The following KIFC3 variants were observed in gnomAD, a reference collection of about 807,000 sequenced individuals.
The protein encoded by KIFC3 is kinesin family member C3, also known as kinesin-like protein KIFC3.
KIFC3 carries 60 observed loss-of-function variants against 101.8 expected under a neutral mutation model. That is an observed-to-expected ratio of 0.59 (90% CI 0.48 to 0.73). The LOEUF is 0.73. Ranked by LOEUF, KIFC3 falls within the 30% of genes least tolerant of loss-of-function variation. The pLI is 0.00. For missense variants in KIFC3, 966 were observed against 1,137.1 expected (o/e 0.85, Z 2.16); for synonymous variants, 476 against 482.7 (o/e 0.99, Z 0.18).
chr16:57,812,527 C>A (rs1555627968), intron 1 of KIFC3, among the ~76,000 whole-genome samples: 1 of 152,110 alleles, frequency 6.6e-6, no homozygotes, highest in African/African-American at 2.4e-5. Flanking sequence ...CAGCTGCTGA[C>A]CGAGTGTGAT....
intron 2 of KIFC3, chr16:57,797,752 G>A (rs1270711829): frequency 3.2e-6 from 4 of 1,260,398 alleles, no homozygotes; most frequent in Non-Finnish European, 4.0e-6. Context: ...ACACGCTCTT[G>A]GCCAAGGACG....
chr16:57,780,237 G>A (rs115456089), intron 3 of KIFC3, among the ~76,000 whole-genome samples: 2,317 of 152,254 alleles, frequency 0.015, 58 homozygotes, highest in African/African-American at 0.051. Flanking sequence ...TCAGCCGGGC[G>A]CGGTGGCTCA....
At chr16:57,763,713 T>C (rs1463302769) in intron 12 of KIFC3, among the ~76,000 whole-genome samples, 1 of 152,118 alleles carries the variant, frequency 6.6e-6, no homozygotes, top group East Asian at 1.9e-4. Context: ...AGCCTTCATA[T>C]GCCAGTCTTG....
intron 13 of KIFC3, 97 bp from the exon 14 acceptor site, chr16:57,761,633 G>A (rs541075454): frequency 1.4e-6 from 2 of 1,438,232 alleles, no homozygotes; most frequent in Admixed American, 3.7e-5. Flanking sequence ...CCCCAACCCA[G>A]GAAGCCTTCT....
At chr16:57,838,630 C>T (rs966897562) in intron 1 of KIFC3, among the ~76,000 whole-genome samples, 15 of 152,308 alleles carry the variant, frequency 9.8e-5, no homozygotes, top group East Asian at 3.9e-4. Flanking sequence ...GGGACTTCCC[C>T]GGGAGGAAAG....
chr16:57,802,519 A>T, upstream of KIFC3: 1 of 984,612 alleles, frequency 1.0e-6, no homozygotes, highest in Non-Finnish European at 1.2e-6. This position sits in a 1 kb window ranked among gnomAD's most constrained non-coding sequence, Gnocchi z 5.0. Flanking sequence ...GGAAATGATT[A>T]ACTCGGGCCG....
chr16:57,770,779 G>C (rs1433370409), intron 6 of KIFC3, 79 bp from the exon 7 acceptor site: 4 of 1,231,500 alleles, frequency 3.2e-6, no homozygotes, highest in Non-Finnish European at 4.3e-6. Context: ...CAGCAGGCCA[G>C]GGGAAGGAAC....
At position 57,792,335 on chromosome 16, in the gene KIFC3, C is replaced by CG. The variant is rs569980160; in HGVS notation, c.315+2663dup. On this transcript the variant is annotated intron_variant, in intron 3 of 19. Transcript: ENST00000445690. The stretch of plus-strand genomic sequence containing the variant: ...TCGTGATTATTTGGTCACTCTCTGG[C>CG]GCCTCTGCTAGACTCTCTTGTCTCT... 1.6e-3 allele frequency among the ~76,000 whole-genome samples: 239 copies of CG among 152,314 alleles called. 1 individual carries two copies. Among genetic ancestry groups the CG allele is most frequent in the Middle Eastern group, 3.4e-3 (1 of 294 alleles).
chr16:57,838,382 T>C (rs2055739277), intron 1 of KIFC3, among the ~76,000 whole-genome samples: 1 of 152,188 alleles, frequency 6.6e-6, no homozygotes, highest in Admixed American at 6.5e-5. Flanking sequence ...TTTTTGAGGA[T>C]GACACACATG....
chr16:57,847,741 G>A (rs2055963761), intron 1 of KIFC3, among the ~76,000 whole-genome samples: 1 of 150,286 alleles, frequency 6.7e-6, no homozygotes, highest in Non-Finnish European at 1.5e-5. Flanking sequence ...TTTAGATTAA[G>A]TCCAGATGCC....
At chr16:57,819,128 A>C (rs2055297208) in intron 1 of KIFC3, among the ~76,000 whole-genome samples, 2 of 152,188 alleles carry the variant, frequency 1.3e-5, no homozygotes, top group South Asian at 4.1e-4. Flanking sequence ...ACGTAGCTCC[A>C]GAACGGTCCA....
intron 3 of KIFC3, among the ~76,000 whole-genome samples, chr16:57,788,142 G>C (rs910426236): frequency 7.9e-5 from 12 of 152,224 alleles, no homozygotes; most frequent in African/African-American, 2.9e-4. Flanking sequence ...CTGGCCAGGA[G>C]AATCAAAGTC....
intron 1 of KIFC3, among the ~76,000 whole-genome samples, chr16:57,821,768 G>A (rs1425288017): frequency 6.6e-6 from 1 of 152,092 alleles, no homozygotes; most frequent in East Asian, 1.9e-4. Flanking sequence ...AAAAATTTGT[G>A]TGGGCATTGT....
chr16:57,824,543 C>G (rs922768434), intron 1 of KIFC3, among the ~76,000 whole-genome samples: 2 of 152,016 alleles, frequency 1.3e-5, no homozygotes, highest in Non-Finnish European at 2.9e-5. Context: ...ATTAGCCAGG[C>G]GTGGTGGTGC....
chr16:57,790,080 T>TTC (rs1386027090), intron 3 of KIFC3, among the ~76,000 whole-genome samples: 7 of 134,552 alleles, frequency 5.2e-5, no homozygotes, highest in African/African-American at 1.6e-4. Flanking sequence ...CTTTCTTTCT[T>TTC]TTTTTTTTTT....
At chr16:57,802,987 G>A (rs1555626095), upstream of KIFC3, 3 of 1,535,736 alleles carry the variant, frequency 2.0e-6, no homozygotes, top group South Asian at 3.6e-5. This position sits in a 1 kb window ranked among gnomAD's most constrained non-coding sequence, Gnocchi z 5.0. Context: ...ATCCCTTACC[G>A]TGTCCTTGCA....
chr16:57,776,249 ACT>A (rs1470256495), intron 3 of KIFC3: 12 of 985,296 alleles, frequency 1.2e-5, no homozygotes, highest in South Asian at 4.7e-5. Context: ...CCTCAAGGAA[ACT>A]CAGCCCAGAG....
At chr16:57,760,694 G>A (rs1555595569) in intron 16 of KIFC3, 32 bp downstream of exon 16, 6 of 1,584,072 alleles carry the variant, frequency 3.8e-6, no homozygotes, top group East Asian at 4.5e-5. Flanking sequence ...CTACATGCTA[G>A]GGACTGGCCC....
intron 18 of KIFC3, 161 bp downstream of exon 18, chr16:57,759,567 T>C: frequency 1.6e-6 from 1 of 609,768 alleles, no homozygotes; most frequent in South Asian, 2.1e-5. Flanking sequence ...CTGTCTGCCC[T>C]GACTACTGCC....
Sources: gnomAD v4.1 joint callset for allele counts (sites outside exome capture counted in the v4.1 genomes callset) on GRCh38, gnomAD v4.1.1 for gene constraint, Gnocchi (gnomAD v3.1) non-coding constraint, MANE v1.5 for transcripts, NCBI Gene and HGNC (gene_info 2026-07-23, HGNC 2026-07-21) for gene names.